Variants in RASSF6 observed in about 807,000 individuals in gnomAD.
RASSF6 encodes Ras association domain family member 6.
RASSF6 carries 52 observed loss-of-function variants against 44.0 expected under a neutral mutation model. The observed-to-expected ratio is 1.18, with a 90% CI of 0.95 to 1.49. The LOEUF (loss-of-function observed/expected upper bound fraction) is 1.49, where lower values mean the gene tolerates loss of function less well. Ranked by LOEUF, RASSF6 falls within the 40% of genes most tolerant of loss-of-function variation. RASSF6 has a pLI of 0.00. For missense variants in RASSF6, 464 were observed against 393.3 expected, an observed-to-expected ratio of 1.18 and a Z score of -1.52; for synonymous variants, 162 against 124.6, an observed-to-expected ratio of 1.30 and a Z score of -2.00.
In RASSF6 at chr4:73,581,808, C is replaced by G. The variant is rs1260079058; in HGVS notation, c.721+9G>C. 5 of 1,598,280 alleles carry G rather than the reference C, an allele frequency of 3.1e-6. No homozygotes were observed. Among genetic ancestry groups the G allele is most frequent in the Non-Finnish European group, 4.3e-6 (5 of 1,166,296 alleles). The stretch of plus-strand genomic sequence containing the variant: ...GAGTCAGGTAAAAAGTGTGATCAAG[C>G]TTTCTTACCTCCTGTTGCAAAAATA... On this transcript the variant is annotated intron_variant, in intron 8 of 10. Coordinates refer to ENST00000307439, the MANE Select transcript of RASSF6 (RefSeq NM_177532.5).
At chr4:73,619,521 T>C (rs1726565798) in intron 1 of RASSF6, among the ~76,000 whole-genome samples, 1 of 152,120 alleles carries the variant, frequency 6.6e-6, no homozygotes, top group Non-Finnish European at 1.5e-5. Flanking sequence ...ATGCTAACAG[T>C]AGGTATCACT....
At chr4:73,582,139 G>C in intron 7 of RASSF6, 50 bp downstream of exon 7, 1 of 880,074 alleles carries the variant, frequency 1.1e-6, no homozygotes, top group Non-Finnish European at 1.8e-6. Context: ...TGTGTTTATA[G>C]TTGAATTATA....
At chr4:73,578,152 A>AT (rs1279687449) in intron 8 of RASSF6, among the ~76,000 whole-genome samples, 6 of 152,120 alleles carry the variant, frequency 3.9e-5, no homozygotes, top group South Asian at 2.1e-4. Context: ...GAAAATAGAC[A>AT]TTTTTTTCTT....
intron 3 of RASSF6, 87 bp from the exon 4 acceptor site, chr4:73,593,680 G>A (rs981591919): frequency 1.1e-5 from 11 of 959,404 alleles, no homozygotes; most frequent in East Asian, 1.1e-4. Flanking sequence ...AATTAAGTGC[G>A]TAAGAAACCT....
chr4:73,590,602 C>T (rs1284467110), intron 4 of RASSF6, among the ~76,000 whole-genome samples: 2 of 152,158 alleles, frequency 1.3e-5, no homozygotes, highest in Non-Finnish European at 1.5e-5. Context: ...TGGCTATGCA[C>T]CCCATTAGCG....
chr4:73,590,395 C>T (rs192879952), intron 4 of RASSF6, among the ~76,000 whole-genome samples: 41 of 152,310 alleles, frequency 2.7e-4, no homozygotes, highest in African/African-American at 9.1e-4. Context: ...TAAAATCTGT[C>T]ATCCTGCAAG....
intron 8 of RASSF6, among the ~76,000 whole-genome samples, chr4:73,577,824 T>C (rs986694224): frequency 3.3e-5 from 5 of 152,186 alleles, no homozygotes; most frequent in Non-Finnish European, 7.3e-5. Context: ...AAAATTATGA[T>C]GATGATTATT....
chr4:73,586,520 T>C (rs34123018), intron 5 of RASSF6, among the ~76,000 whole-genome samples: 36,087 of 151,592 alleles, frequency 0.24, 4,475 homozygotes, highest in Admixed American at 0.37. Context: ...TTGTATACAA[T>C]TGATAGTACC....
intron 8 of RASSF6, 119 bp from the exon 9 acceptor site, chr4:73,576,850 C>T (rs1465190330): frequency 3.0e-6 from 2 of 659,062 alleles, no homozygotes; most frequent in South Asian, 2.1e-5. Flanking sequence ...ACACCTGCAA[C>T]AGGAGGCAAT....
At chr4:73,596,169 G>A (rs947895296) in intron 3 of RASSF6, among the ~76,000 whole-genome samples, 11 of 151,834 alleles carry the variant, frequency 7.2e-5, no homozygotes, top group African/African-American at 2.4e-4. Flanking sequence ...AATAAAGGAC[G>A]TTCAAATAGC....
At position 73,611,703 on chromosome 4, in the gene RASSF6, C is replaced by T. The variant is rs118059775; in HGVS notation, c.65+28G>A. The T allele has an allele frequency of 2.6e-4, 363 of 1,421,884 alleles. 6 individuals are homozygous for T. The East Asian group carries it at 8.2e-3, about 32-fold the overall frequency. 88.1% of individuals were successfully genotyped at this position (1,421,884 alleles called of 1,614,324 possible). A position where few individuals can be genotyped will look rare whatever the true frequency, so the allele number is the denominator to read the frequency against. The stretch of plus-strand genomic sequence containing the variant: ...TTCCACAAATGACTGGTGAGTAGGA[C>T]AATGTATAATATAAGGTGTGTGGTT... On this transcript the variant is annotated intron_variant, in intron 2 of 10. Coordinates refer to ENST00000307439, the MANE Select transcript of RASSF6 (RefSeq NM_177532.5).
intron 4 of RASSF6, among the ~76,000 whole-genome samples, chr4:73,588,658 A>G (rs1724287030): frequency 6.6e-6 from 1 of 151,986 alleles, no homozygotes; most frequent in African/African-American, 2.4e-5. Flanking sequence ...TAATAGCATG[A>G]GGTAGGATAG....
At chr4:73,612,479 C>CTTTTCTTTTT (rs1553905959) in intron 1 of RASSF6, among the ~76,000 whole-genome samples, 92 of 68,280 alleles carry the variant, frequency 1.3e-3, no homozygotes, top group African/African-American at 4.9e-3. Context: ...GTTCAGTTTT[C>CTTTTCTTTTT]TTTTTTTTTT....
intron 5 of RASSF6, among the ~76,000 whole-genome samples, chr4:73,587,487 C>T (rs920552130): frequency 6.6e-6 from 1 of 151,982 alleles, no homozygotes; most frequent in Non-Finnish European, 1.5e-5. Context: ...ACATATAAAG[C>T]TATTGGGAAT....
intron 6 of RASSF6, among the ~76,000 whole-genome samples, chr4:73,584,694 G>A (rs1047040799): frequency 3.9e-5 from 6 of 152,188 alleles, no homozygotes; most frequent in African/African-American, 1.4e-4. Flanking sequence ...CATTATTCCA[G>A]TATTATTGTT....
At chr4:73,596,837 A>G (rs969592614) in intron 3 of RASSF6, among the ~76,000 whole-genome samples, 2 of 152,172 alleles carry the variant, frequency 1.3e-5, no homozygotes, top group African/African-American at 4.8e-5. Context: ...CAAGTATCTG[A>G]TCTTCAACAA....
At chr4:73,581,524 C>A (rs564104152) in intron 8 of RASSF6, among the ~76,000 whole-genome samples, 9 of 152,300 alleles carry the variant, frequency 5.9e-5, no homozygotes, top group African/African-American at 2.2e-4. Flanking sequence ...TGAGCAAAGA[C>A]AAAAGTGCCG....
Position 73,580,119 on chromosome 4 carries a change from G to A in RASSF6, c.721+1698C>T, listed in dbSNP as rs532544242. Among the ~76,000 whole-genome samples, 739 of 148,672 alleles carry A rather than the reference G, an allele frequency of 5.0e-3. 7 individuals are homozygous for A. The highest frequency in any genetic ancestry group is 0.016 in the African/African-American group (632 of 40,206). On this transcript the variant is annotated intron_variant, in intron 8 of 10. Transcript: ENST00000307439. ...TTCCCACCTATGAGTGAGAATATGC[G>A]GTGTTTGGTTTTTTGTTCTTGCGAT... is the stretch of plus-strand genomic sequence containing the variant.
intron 4 of RASSF6, among the ~76,000 whole-genome samples, chr4:73,588,828 T>C (rs993302251): frequency 2.2e-5 from 2 of 90,348 alleles, no homozygotes; most frequent in Non-Finnish European, 5.2e-5. Flanking sequence ...CACCAGCATC[T>C]GTATCTATTT....
Sources: gnomAD v4.1 joint callset for allele counts (sites outside exome capture counted in the v4.1 genomes callset) on GRCh38, gnomAD v4.1.1 for gene constraint, MANE v1.5 for transcripts, NCBI Gene and HGNC (gene_info 2026-07-23, HGNC 2026-07-21) for gene names.